LARGE1: variants seen among roughly 807,000 people sequenced by gnomAD.
LARGE1 encodes xylosyl- and glucuronyltransferase LARGE1.
Under a neutral mutation model 87.6 loss-of-function variants are expected in LARGE1, and 43 were observed. The ratio of observed to expected loss-of-function variants is 0.49; its 90% CI spans 0.38 to 0.63. The LOEUF is 0.63. Ranked by LOEUF, LARGE1 falls within the 30% of genes least tolerant of loss-of-function variation. LARGE1 has a pLI of 0.00. For missense variants in LARGE1, 802 were observed against 1,000.2 expected (o/e 0.80, Z 2.67); for synonymous variants, 434 against 394.6 (o/e 1.10, Z -1.18).
intron 7 of LARGE1, among the ~76,000 whole-genome samples, chr22:33,427,949 C>A (rs374507678): frequency 6.6e-6 from 1 of 152,122 alleles, no homozygotes; most frequent in Non-Finnish European, 1.5e-5. Context: ...TAAAACACAG[C>A]GAGGAAGCTG....
intron 1 of LARGE1, among the ~76,000 whole-genome samples, chr22:33,786,352 G>A (rs1481964275): frequency 6.6e-6 from 1 of 152,202 alleles, no homozygotes; most frequent in Non-Finnish European, 1.5e-5. Context: ...CTATCAAAGT[G>A]AGATTCAATA....
rs140642981 is a variant in LARGE1 at position 33,902,521 on chromosome 22, C to T, written c.-83+17474G>A. Among the ~76,000 whole-genome samples, 20 of 152,272 alleles carry T rather than the reference C, an allele frequency of 1.3e-4. No individual in the cohort carries two copies. In the East Asian group the frequency reaches 3.5e-3, roughly 26 times the overall value. On this transcript the variant is annotated intron_variant, in intron 1 of 14. Coordinates refer to ENST00000397394, the MANE Select transcript of LARGE1 (RefSeq NM_133642.5). ...TCACTATCCAACCCCAAGCATTTTT[C>T]GCAAATCCACAACCAGTTCTCATCT...
At chr22:33,146,238 T>C in the LARGE1 span, among the ~76,000 whole-genome samples, 1 of 152,188 alleles carries the variant, frequency 6.6e-6, no homozygotes. Context: ...AGGTCAAAGA[T>C]AGAAGTGAGA....
At chr22:33,115,833 A>G in the LARGE1 span, among the ~76,000 whole-genome samples, 2 of 151,454 alleles carry the variant, frequency 1.3e-5, no homozygotes, top group African/African-American at 4.8e-5. Context: ...AAAAAAAAAA[A>G]AAGAGATACC....
the LARGE1 span, among the ~76,000 whole-genome samples, chr22:33,087,045 TTTTC>T: frequency 4.7e-4 from 71 of 152,272 alleles, no homozygotes; most frequent in African/African-American, 1.6e-3. Context: ...TCTATTACAT[TTTTC>T]TTTCTGTTTT....
chr22:33,421,255 G>A (rs2066688706), intron 7 of LARGE1, among the ~76,000 whole-genome samples: 2 of 151,882 alleles, frequency 1.3e-5, no homozygotes, highest in South Asian at 4.2e-4. Flanking sequence ...TAAAGGAGTG[G>A]GAAAATACTA....
intron 1 of LARGE1, among the ~76,000 whole-genome samples, chr22:33,773,021 T>C (rs964106655): frequency 4.6e-5 from 7 of 152,150 alleles, no homozygotes; most frequent in African/African-American, 1.7e-4. Context: ...CCCACACAGG[T>C]CCCTGAGGCA....
At chr22:33,143,898 A>G in the LARGE1 span, among the ~76,000 whole-genome samples, 2 of 152,212 alleles carry the variant, frequency 1.3e-5, no homozygotes, top group African/African-American at 4.8e-5. Flanking sequence ...GTCATAGTAA[A>G]CCAATAACAT....
the LARGE1 span, among the ~76,000 whole-genome samples, chr22:33,102,770 C>A: frequency 2.0e-5 from 3 of 151,782 alleles, no homozygotes; most frequent in Non-Finnish European, 4.4e-5. Flanking sequence ...GGATTACAGG[C>A]GTAAACCACT....
intron 1 of LARGE1, among the ~76,000 whole-genome samples, chr22:33,790,985 A>G (rs1201366182): frequency 6.6e-6 from 1 of 152,232 alleles, no homozygotes; most frequent in Non-Finnish European, 1.5e-5. Context: ...AATTCTACCA[A>G]AAACAACGGC....
At chr22:33,714,298 G>A (rs2267270) in intron 2 of LARGE1, among the ~76,000 whole-genome samples, 28,321 of 152,128 alleles carry the variant, frequency 0.19, 3,259 homozygotes, top group East Asian at 0.36. Flanking sequence ...TCACATTCAA[G>A]AGCATGGCAA....
intron 1 of LARGE1, among the ~76,000 whole-genome samples, chr22:33,848,162 C>T (rs559273360): frequency 6.6e-6 from 1 of 152,236 alleles, no homozygotes; most frequent in South Asian, 2.1e-4. Flanking sequence ...TTTGAGTCCT[C>T]CGTATTTCTT....
At chr22:33,482,687 AC>A (rs2069380091) in intron 6 of LARGE1, among the ~76,000 whole-genome samples, 1 of 150,640 alleles carries the variant, frequency 6.6e-6, no homozygotes, top group Admixed American at 6.6e-5. Context: ...CTGCACATGT[AC>A]CCCAGAACTT....
intron 11 of LARGE1, among the ~76,000 whole-genome samples, chr22:33,179,413 G>A (rs1602053004): frequency 6.6e-6 from 1 of 152,044 alleles, no homozygotes. Flanking sequence ...TAAGGACAAG[G>A]TTAATGACAC....
At chr22:33,073,565 C>G in the LARGE1 span, among the ~76,000 whole-genome samples, 1 of 152,138 alleles carries the variant, frequency 6.6e-6, no homozygotes, top group Admixed American at 6.6e-5. Flanking sequence ...TAGAGCCCAC[C>G]CCTCATAAAG....
intron 11 of LARGE1, among the ~76,000 whole-genome samples, chr22:33,225,445 A>G (rs561537343): frequency 1.5e-4 from 23 of 152,336 alleles, no homozygotes; most frequent in African/African-American, 5.5e-4. Flanking sequence ...AGATGTTCAG[A>G]GTTAAGTCTT....
At position 33,385,165 on chromosome 22, in the gene LARGE1, G is replaced by A. The variant is rs932194934; in HGVS notation, c.893-861C>T. 4.7e-5 allele frequency among the ~76,000 whole-genome samples: 7 copies of A among 148,450 alleles called. 1 individual carries two copies. Among genetic ancestry groups the A allele is most frequent in the African/African-American group, 9.8e-5 (4 of 40,858 alleles). ...GTATCTTTTCTTGGTTACTTTCTGC[G>A]GAAGGGACCTGGGTGAATGGAGGGT... On this transcript the variant is annotated intron_variant, in intron 7 of 14. Coordinates refer to ENST00000397394, the MANE Select transcript of LARGE1 (RefSeq NM_133642.5).
intron 9 of LARGE1, among the ~76,000 whole-genome samples, chr22:33,346,257 TTCTC>T (rs66972397): frequency 0.081 from 12,197 of 149,810 alleles, 591 homozygotes; most frequent in Non-Finnish European, 0.11. Context: ...CCTTCCTCTC[TTCTC>T]TCTCTCTCTC....
rs149387306 is a variant in LARGE1, at chr22:33,368,259, G to A, written c.1131+13660C>T. 5.2e-3 allele frequency among the ~76,000 whole-genome samples: 783 copies of A among 152,038 alleles called. 8 individuals are homozygous for A. Among genetic ancestry groups the A allele is most frequent in the African/African-American group, 0.017 (718 of 41,524 alleles). On this transcript the variant is annotated intron_variant, in intron 9 of 14. Transcript: ENST00000397394. ...TTGAAAAAAAATATGGGCTGGGTGC[G>A]GTGGCTCATGCCTGTAATCCCAGCA...
Sources: allele counts gnomAD v4.1 joint callset (sites outside exome capture counted in the v4.1 genomes callset), GRCh38; gene constraint gnomAD v4.1.1; transcripts MANE v1.5; gene names NCBI Gene and HGNC (gene_info 2026-07-23, HGNC 2026-07-21).